The following RNF112 variants were observed in gnomAD, a reference collection of about 807,000 sequenced individuals.
RNF112 encodes brain finger protein.
Under a neutral mutation model 64.7 loss-of-function variants are expected in RNF112, and 34 were observed. The observed-to-expected ratio is 0.53, with a 90% CI of 0.40 to 0.70. The LOEUF (loss-of-function observed/expected upper bound fraction) is 0.70, where lower values mean the gene tolerates loss of function less well. Ranked by LOEUF, RNF112 falls within the 30% of genes least tolerant of loss-of-function variation. The probability of loss-of-function intolerance (pLI) is 0.00; values close to 1 mark genes in which losing one functional copy is unlikely to be tolerated. For missense variants in RNF112, 734 were observed against 850.0 expected (o/e 0.86, Z 1.70); for synonymous variants, 345 against 344.5 (o/e 1.00, Z -0.02).
In RNF112 at chr17:19,413,310, G is replaced by A. The variant is rs749960809; in HGVS notation, c.619G>A (p.Gly207Arg). ...ESGEGGRPRG[G>R]EASLQGCRWG... ...TGGTGAGGGCGGCCGGCCAAGAGGA[G>A]GAGAGGCATCCCTGCAGGGCTGCAG... The change falls in exon 5 of 14, where the codon GGA (glycine) becomes AGA (arginine). Residue 207 changes from glycine to arginine, a missense_variant. Physicochemically the swap from Gly to Arg is moderately radical, Grantham distance 125. Coordinates refer to ENST00000461366, the MANE Select transcript of RNF112 (RefSeq NM_007148.5). This position sits in a 1 kb window ranked among gnomAD's most constrained non-coding sequence, Gnocchi z 5.9. 3 of 1,612,654 alleles carry A rather than the reference G, an allele frequency of 1.9e-6. No individual in the cohort carries two copies. Among genetic ancestry groups the A allele is most frequent in the Admixed American group, 1.7e-5 (1 of 59,924 alleles).
chr17:19,412,440 C>T lies in RNF112; in HGVS notation c.96-58C>T, dbSNP rs889768280. 61 of 1,559,794 alleles carry T rather than the reference C, an allele frequency of 3.9e-5. No homozygotes were observed. In the Admixed American group the frequency reaches 1.1e-3, roughly 29 times the overall value. On this transcript the variant is annotated intron_variant, in intron 2 of 13. Transcript: ENST00000461366. The surrounding 1 kb of genome is among the most constrained non-coding windows in gnomAD (Gnocchi z 5.1). ...ATCAGTCTTCCACCACAACCCTGGCCGGTACCCCCTGCCCCCAATAGACAT... is the reference window on the plus strand; with the variant it reads ...ATCAGTCTTCCACCACAACCCTGGCTGGTACCCCCTGCCCCCAATAGACAT...
chr17:19,414,240 G>T, intron 7 of RNF112, 95 bp downstream of exon 7: 1 of 1,258,880 alleles, frequency 7.9e-7, no homozygotes, highest in Admixed American at 1.8e-5. Context: ...GTCTGGCCTA[G>T]GGTTTTATGA....
At position 19,415,059 on chromosome 17, in the gene RNF112, A is replaced by T; in HGVS notation, c.1148A>T (p.His383Leu). The T allele has an allele frequency of 6.3e-7, 1 of 1,589,178 alleles. No individual in the cohort carries two copies. Among genetic ancestry groups the T allele is most frequent in the Non-Finnish European group, 8.6e-7 (1 of 1,167,532 alleles). ...SPGDTDDDFR[H>L]LLGAYVSDVL... ...TCAGACACAGATGATGACTTCCGCC[A>T]CCTTCTGGGGGCCTACGTCTCAGAT... is the stretch of plus-strand genomic sequence containing the variant. The change falls in exon 11 of 14, where the codon CAC becomes CTC. Residue 383 changes from histidine to leucine, a missense_variant. Transcript: ENST00000461366. This position sits in a 1 kb window ranked among gnomAD's most constrained non-coding sequence, Gnocchi z 7.8.
chr17:19,415,905 C>T lies in RNF112; in HGVS notation c.1626C>T (p.Arg542=). The T allele has an allele frequency of 1.9e-6, 3 of 1,612,798 alleles. No homozygotes were observed. Among genetic ancestry groups the T allele is most frequent in the Non-Finnish European group, 2.5e-6 (3 of 1,179,548 alleles). Residue 542 remains arginine, a synonymous_variant, in exon 14 of 14, where the codon CGC becomes CGT. Transcript: ENST00000461366. The surrounding 1 kb of genome is among the most constrained non-coding windows in gnomAD (Gnocchi z 7.8). ...CCTTCATGGACTCCTACACGATGCG[C>T]TTCTGTGGCCACCTAGCTGCTGTGG... ...AKAFMDSYTM[R]FCGHLAAVGG... is the part of the protein sequence containing the mutation.
In RNF112 at chr17:19,412,809, A is replaced by C. The variant is rs1238262187; in HGVS notation, c.381+26A>C. Reference sequence around the variant, plus strand: ...GTCTGGGGACTGGGCCTAATCAGTCAGACCCAAGAGGAGGGGGTGGCTTTG... The same window carrying C: ...GTCTGGGGACTGGGCCTAATCAGTCCGACCCAAGAGGAGGGGGTGGCTTTG... On this transcript the variant is annotated intron_variant, in intron 3 of 13. Transcript: ENST00000461366. This position sits in a 1 kb window ranked among gnomAD's most constrained non-coding sequence, Gnocchi z 5.1. The C allele has an allele frequency of 1.3e-6, 2 of 1,599,156 alleles. No homozygotes were observed. The highest frequency in any genetic ancestry group is 3.4e-4 in the Middle Eastern group (2 of 5,850).
Position 19,414,071 on chromosome 17 carries a change from A to G in RNF112, c.826-24A>G, listed in dbSNP as rs372570535. 4 of 1,596,574 alleles carry G rather than the reference A, an allele frequency of 2.5e-6. No individual in the cohort carries two copies. In the African/African-American group the frequency reaches 5.4e-5, roughly 21 times the overall value. ...TCACCCGGCCTCTGTAATCTCTCATACATGTTGTTCTCTCTGATTCCAGAT... is the reference window on the plus strand; with the variant it reads ...TCACCCGGCCTCTGTAATCTCTCATGCATGTTGTTCTCTCTGATTCCAGAT... On this transcript the variant is annotated intron_variant, in intron 6 of 13. Transcript: ENST00000461366.
chr17:19,415,829 G>A lies in RNF112; in HGVS notation c.1550G>A (p.Arg517Lys). Residue 517 changes from arginine (R) to lysine (K), a missense_variant, in exon 14 of 14, where the codon AGA becomes AAA. By Grantham distance (26) the Arg-to-Lys change is conservative. Coordinates refer to ENST00000461366, the MANE Select transcript of RNF112 (RefSeq NM_007148.5). This position sits in a 1 kb window ranked among gnomAD's most constrained non-coding sequence, Gnocchi z 7.8. ...RHGVALLCKG[R>K]DQTLEALEAE... ...GGTGTGGCCTTACTCTGCAAGGGGA[G>A]AGATCAGACCTTGGAGGCACTGGAA... 6.2e-7 allele frequency: 1 copy of A among 1,613,854 alleles called. No individual in the cohort carries two copies. Among genetic ancestry groups the A allele is most frequent in the South Asian group, 1.1e-5 (1 of 91,078 alleles).
rs747645757 is a variant in RNF112, at chr17:19,414,771, G to T, written c.1010G>T (p.Arg337Ile). 1.2e-6 allele frequency: 2 copies of T among 1,613,386 alleles called. No individual in the cohort carries two copies. The highest frequency in any genetic ancestry group is 2.7e-5 in the African/African-American group (2 of 75,058). Reference protein sequence around the residue: ...GQGHVGNIFQRLSGRYPKVQE... With the variant: ...GQGHVGNIFQILSGRYPKVQE... ...AGCACTCCTCTCGCTGCCTCACAGA[G>T]ATTGTCTGGCAGATACCCCAAGGTG... is the stretch of plus-strand genomic sequence containing the variant. Residue 337 changes from arginine to isoleucine, a missense_variant and splice_region_variant, in exon 10 of 14, where the codon AGA becomes ATA. Transcript: ENST00000461366.
At chr17:19,414,251 C>A (rs1178374603) in intron 7 of RNF112, 106 bp downstream of exon 7, 4 of 1,193,408 alleles carry the variant, frequency 3.4e-6, no homozygotes, top group African/African-American at 1.5e-5. Flanking sequence ...GGTTTTATGA[C>A]ACTTGAACAG....
In RNF112 at chr17:19,415,971, C is replaced by T. The variant is rs529134642; in HGVS notation, c.1692C>T (p.Gly564=). ...VGAGLMGLAG[G]VVGAGMAAAA... ...CCGGGCTCATGGGCCTGGCAGGGGG[C>T]GTGGTGGGTGCTGGCATGGCAGCAG... Residue 564 remains glycine (G), a synonymous_variant, in exon 14 of 14, where the codon GGC becomes GGT. Coordinates refer to ENST00000461366, the MANE Select transcript of RNF112 (RefSeq NM_007148.5). This position sits in a 1 kb window ranked among gnomAD's most constrained non-coding sequence, Gnocchi z 7.8. The T allele has an allele frequency of 4.6e-5, 72 of 1,575,800 alleles. No individual in the cohort carries two copies. In the East Asian group the frequency reaches 9.4e-4, roughly 21 times the overall value.
At chr17:19,414,397 C>T in intron 7 of RNF112, 52 bp from the exon 8 acceptor site, 3 of 1,607,064 alleles carry the variant, frequency 1.9e-6, no homozygotes, top group Non-Finnish European at 2.6e-6. Context: ...TTGGGGTGCA[C>T]CATAGTCCTC....
In RNF112 at chr17:19,411,413, C is replaced by A; in HGVS notation, c.5C>A (p.Pro2Gln). The change falls in exon 1 of 14, where the codon CCA becomes CAA. Residue 2 changes from proline (P) to glutamine (Q), a missense_variant. Pro to Gln is a moderately conservative substitution (Grantham distance 76). Transcript: ENST00000461366. M[P>Q]RPALSVTSFC... ...CTCTCCCCATCCCAGCCTCCCATGC[C>A]AAGGCCCGCCTTGTCAGTCACTTCC... 1 of 1,612,090 alleles carries A rather than the reference C, an allele frequency of 6.2e-7. No individual in the cohort carries two copies. Among genetic ancestry groups the A allele is most frequent in the African/African-American group, 1.3e-5 (1 of 74,974 alleles).
In RNF112 at chr17:19,413,598, A is replaced by C. The variant is rs187759749; in HGVS notation, c.742A>C (p.Thr248Pro). 2.5e-4 allele frequency: 398 copies of C among 1,613,286 alleles called. 3 individuals carry two copies. The Admixed American group carries it at 5.7e-3, about 23-fold the overall frequency. ...ATAGGTGGCGGTGTTCCTGGTGGAC[A>C]CAGGGGATGCCATGAGCCCTGAGCT... Reference protein sequence around the residue: ...GKKVAVFLVDTGDAMSPELSR... With the variant: ...GKKVAVFLVDPGDAMSPELSR... The change falls in exon 6 of 14, where the codon ACA (threonine) becomes CCA (proline). Residue 248 changes from threonine to proline, a missense_variant. Coordinates refer to ENST00000461366, the MANE Select transcript of RNF112 (RefSeq NM_007148.5). The surrounding 1 kb of genome is among the most constrained non-coding windows in gnomAD (Gnocchi z 5.9).
In RNF112 at chr17:19,413,420, G is replaced by A. The variant is rs1913744587; in HGVS notation, c.720+9G>A. ...GGAAAGAAGGGAAGAAGGTGAGGGGGGAAGTGGCAGAAGGAGGTCAGGGAT... is the reference window on the plus strand; with the variant it reads ...GGAAAGAAGGGAAGAAGGTGAGGGGAGAAGTGGCAGAAGGAGGTCAGGGAT... On this transcript the variant is annotated intron_variant, in intron 5 of 13. Coordinates refer to ENST00000461366, the MANE Select transcript of RNF112 (RefSeq NM_007148.5). The surrounding 1 kb of genome is among the most constrained non-coding windows in gnomAD (Gnocchi z 5.9). The A allele has an allele frequency of 6.2e-7, 1 of 1,608,920 alleles. No homozygotes were observed. The highest frequency in any genetic ancestry group is 8.5e-7 in the Non-Finnish European group (1 of 1,176,630).
chr17:19,414,917 T>G, intron 10 of RNF112, 30 bp downstream of exon 10: 1 of 1,603,512 alleles, frequency 6.2e-7, no homozygotes, highest in Non-Finnish European at 8.5e-7. Flanking sequence ...GAACCTCTCT[T>G]GCGCTGCTCC....
rs769670754 is a variant in RNF112 at position 19,414,875 on chromosome 17, G to A, written c.1114G>A (p.Ala372Thr). The change falls in exon 10 of 14, where the codon GCA (alanine) becomes ACA (threonine). Residue 372 changes from alanine (A) to threonine (T), a missense_variant. By Grantham distance (58) the Ala-to-Thr change is moderately conservative (BLOSUM62 0). Coordinates refer to ENST00000461366, the MANE Select transcript of RNF112 (RefSeq NM_007148.5). ...PGRRRMNQGH[A>T]SPGDTDDDFR... Reference sequence around the variant, plus strand: ...GAGGCGGCGGATGAACCAAGGCCATGCAAGCCCTGGTGGTGAGTGTCTCTG... The same window carrying A: ...GAGGCGGCGGATGAACCAAGGCCATACAAGCCCTGGTGGTGAGTGTCTCTG... 1.9e-6 allele frequency: 3 copies of A among 1,613,360 alleles called. No homozygotes were observed. Among genetic ancestry groups the A allele is most frequent in the African/African-American group, 1.3e-5 (1 of 74,912 alleles).
At position 19,412,663 on chromosome 17, in the gene RNF112, G is replaced by A. The variant is rs369200011; in HGVS notation, c.261G>A (p.Pro87=). ...GGTGCTTCAGCACACACCGTCTCCC[G>A]GGCTGTGAGCCGCCCTGCTGTCCTG... is the stretch of plus-strand genomic sequence containing the variant. ...CIRCFSTHRL[P]GCEPPCCPEC... Residue 87 remains proline, a synonymous_variant, in exon 3 of 14, where the codon CCG becomes CCA. Transcript: ENST00000461366. The surrounding 1 kb of genome is among the most constrained non-coding windows in gnomAD (Gnocchi z 5.1). 1,132 of 1,613,290 alleles carry A rather than the reference G, an allele frequency of 7.0e-4. 1 individual carries two copies. The highest frequency in any genetic ancestry group is 8.8e-4 in the Non-Finnish European group (1,039 of 1,179,740).
chr17:19,411,348 T>C lies in RNF112; in HGVS notation c.-61T>C. ...CCGGGAGAAAAGGCATCCTTACCTC[T>C]GGTTGAAGGTCTCGGGGCCTCCCCC... is the stretch of plus-strand genomic sequence containing the variant. On this transcript the variant is annotated 5_prime_UTR_variant, in exon 1 of 14. Transcript: ENST00000461366. 3 of 1,534,124 alleles carry C rather than the reference T, an allele frequency of 2.0e-6. No individual in the cohort carries two copies. The highest frequency in any genetic ancestry group is 2.7e-6 in the Non-Finnish European group (3 of 1,124,818).
Position 19,411,394 on chromosome 17 carries a change from C to T in RNF112, c.-15C>T, listed in dbSNP as rs1598132924. On this transcript the variant is annotated 5_prime_UTR_variant, in exon 1 of 14. Coordinates refer to ENST00000461366, the MANE Select transcript of RNF112 (RefSeq NM_007148.5). Reference sequence around the variant, plus strand: ...CCCCCTCTGCATCCGGACCCTCTCCCCATCCCAGCCTCCCATGCCAAGGCC... The same window carrying T: ...CCCCCTCTGCATCCGGACCCTCTCCTCATCCCAGCCTCCCATGCCAAGGCC... 1 of 1,610,186 alleles carries T rather than the reference C, an allele frequency of 6.2e-7. No individual in the cohort carries two copies. Among genetic ancestry groups the T allele is most frequent in the Non-Finnish European group, 8.5e-7 (1 of 1,179,312 alleles).
Sources: gnomAD v4.1 joint callset for allele counts on GRCh38, gnomAD v4.1.1 for gene constraint, Gnocchi (gnomAD v3.1) non-coding constraint, MANE v1.5 for transcripts, NCBI Gene and HGNC (gene_info 2026-07-23, HGNC 2026-07-21) for gene names.